The following RBSN variants were observed in gnomAD, a reference collection of about 807,000 sequenced individuals.
The protein encoded by RBSN is rabenosyn-5.
A neutral mutation model predicts 60.5 loss-of-function variants in RBSN; 34 were observed. The ratio of observed to expected loss-of-function variants is 0.56; its 90% CI spans 0.43 to 0.75. The LOEUF (loss-of-function observed/expected upper bound fraction) is 0.75. RBSN is among the 30% of genes least tolerant of loss of function. The pLI is 0.00. For synonymous variants in RBSN, 322 were observed against 366.9 expected, an observed-to-expected ratio of 0.88 and a Z score of 1.40; for missense variants, 845 against 986.8, an observed-to-expected ratio of 0.86 and a Z score of 1.92.
intron 1 of RBSN, among the ~76,000 whole-genome samples, chr3:15,098,646 C>A (rs1228183362): frequency 6.6e-6 from 1 of 152,050 alleles, no homozygotes; most frequent in African/African-American, 2.4e-5. Flanking sequence ...ACACACAACA[C>A]GAACGACTCA....
chr3:15,073,695 C>A lies in RBSN; in HGVS notation c.*87G>T. On this transcript the variant is annotated 3_prime_UTR_variant, in exon 14 of 14. Coordinates refer to ENST00000253699, the MANE Select transcript of RBSN (RefSeq NM_022340.4). The stretch of plus-strand genomic sequence containing the variant: ...TGCATCTGAGTTCTCACCCTGCCAC[C>A]TTCCCCATCCATCCTGCCTGCCCTC... 6.9e-7 allele frequency: 1 copy of A among 1,439,654 alleles called. No homozygotes were observed. The allele number at this position is 1,439,654 out of a possible 1,614,324, so 89.2% of individuals were successfully genotyped here. A position where few individuals can be genotyped will look rare whatever the true frequency, so the allele number is the denominator to read the frequency against.
Position 15,090,480 on chromosome 3 carries a change from G to A in RBSN, c.208C>T (p.Arg70Ter), listed in dbSNP as rs746425610. 5.0e-6 allele frequency: 8 copies of A among 1,614,024 alleles called. No homozygotes were observed. Among genetic ancestry groups the A allele is most frequent in the African/African-American group, 1.3e-5 (1 of 74,900 alleles). The change falls in exon 5 of 14, where the codon CGA (arginine) becomes TGA (stop). Residue 70 changes from arginine (R) to a stop codon, truncating the protein, a stop_gained. Coordinates refer to ENST00000253699, the MANE Select transcript of RBSN (RefSeq NM_022340.4). LOFTEE classifies it high-confidence loss of function. Reference sequence around the variant, plus strand: ...TATCCTTGGGTCCCTGACTCTGCTCGATCATCCCCTTCTCGTTTCAACAAC... The same window carrying A: ...TATCCTTGGGTCCCTGACTCTGCTCAATCATCCCCTTCTCGTTTCAACAAC... Reference protein sequence around the residue: ...DRLLKREGDDRAESGTQGYES... With the variant: ...DRLLKREGDD
chr3:15,074,988 C>T lies in RBSN; in HGVS notation c.1207-58G>A. On this transcript the variant is annotated intron_variant, in intron 13 of 13. Transcript: ENST00000253699. This position sits in a 1 kb window ranked among gnomAD's most constrained non-coding sequence, Gnocchi z 6.4. ...GTCACTATGCTGGCAGCAGCCCACA[C>T]TGTCACCCACCCTCTGTTGTCCCTC... 3 of 1,533,682 alleles carry T rather than the reference C, an allele frequency of 2.0e-6. No individual in the cohort carries two copies. The highest frequency in any genetic ancestry group is 1.3e-5 in the South Asian group (1 of 79,802).
In RBSN at chr3:15,077,985, T is replaced by C; in HGVS notation, c.998+90A>G. The C allele has an allele frequency of 8.8e-7, 1 of 1,139,840 alleles. No homozygotes were observed. The highest frequency in any genetic ancestry group is 2.4e-5 in the East Asian group (1 of 42,200). 70.6% of individuals were successfully genotyped at this position (1,139,840 alleles called of 1,614,324 possible). On this transcript the variant is annotated intron_variant, in intron 11 of 13. Coordinates refer to ENST00000253699, the MANE Select transcript of RBSN (RefSeq NM_022340.4). The surrounding 1 kb of genome is among the most constrained non-coding windows in gnomAD (Gnocchi z 4.4). ...ACCCACTGCCCCATCACCAGAAGTC[T>C]GAGTGAGTGCAGGTCTGCTTTCGCC...
intron 5 of RBSN, 140 bp downstream of exon 5, chr3:15,090,259 C>T (rs2043475994): frequency 1.1e-6 from 1 of 902,272 alleles, no homozygotes; most frequent in South Asian, 1.9e-5. Context: ...ATTTTCTTCC[C>T]CCAGCAAGGG....
In RBSN at chr3:15,073,708, C is replaced by T; in HGVS notation, c.*74G>A. ...TCACCCTGCCACCTTCCCCATCCATCCTGCCTGCCCTCTGTCCTGCTCCAC... is the reference window on the plus strand; with the variant it reads ...TCACCCTGCCACCTTCCCCATCCATTCTGCCTGCCCTCTGTCCTGCTCCAC... On this transcript the variant is annotated 3_prime_UTR_variant, in exon 14 of 14. Coordinates refer to ENST00000253699, the MANE Select transcript of RBSN (RefSeq NM_022340.4). 1 of 1,489,222 alleles carries T rather than the reference C, an allele frequency of 6.7e-7. No homozygotes were observed. The highest frequency in any genetic ancestry group is 9.0e-7 in the Non-Finnish European group (1 of 1,116,138). The allele number at this position is 1,489,222 out of a possible 1,614,324, so 92.3% of individuals were successfully genotyped here. A position where few individuals can be genotyped will look rare whatever the true frequency, so the allele number is the denominator to read the frequency against.
intron 6 of RBSN, 125 bp downstream of exon 6, chr3:15,085,736 G>A: frequency 2.6e-6 from 2 of 784,150 alleles, no homozygotes; most frequent in South Asian, 3.2e-5. Context: ...CCTCTCTAGA[G>A]AAGGTGTTTC....
intron 5 of RBSN, among the ~76,000 whole-genome samples, chr3:15,087,261 TCCCAG>T (rs1371598012): frequency 6.6e-6 from 1 of 152,138 alleles, no homozygotes; most frequent in Admixed American, 6.6e-5. Context: ...ATGCCTGTAA[TCCCAG>T]CACTTTGGGA....
intron 4 of RBSN, among the ~76,000 whole-genome samples, chr3:15,093,641 T>A (rs1185554909): frequency 6.6e-6 from 1 of 152,168 alleles, no homozygotes; most frequent in Admixed American, 6.5e-5. Flanking sequence ...CCTCCTGCCT[T>A]GGCCTCCCAA....
At chr3:15,093,821 C>A (rs1329108718) in intron 4 of RBSN, among the ~76,000 whole-genome samples, 4 of 152,160 alleles carry the variant, frequency 2.6e-5, no homozygotes, top group African/African-American at 9.7e-5. Context: ...TCTGCCTCAG[C>A]CTTCCAAGTG....
chr3:15,076,195 AG>A (rs1226977052), intron 12 of RBSN, among the ~76,000 whole-genome samples: 1 of 152,212 alleles, frequency 6.6e-6, no homozygotes, highest in African/African-American at 2.4e-5. Context: ...CCTGGTACAT[AG>A]GAGGCACTCA....
At chr3:15,085,100 C>T (rs1000592102) in intron 6 of RBSN, 55 bp from the exon 7 acceptor site, 3 of 1,587,998 alleles carry the variant, frequency 1.9e-6, no homozygotes, top group Admixed American at 3.4e-5. Flanking sequence ...TATACATGCT[C>T]CACACTTTCC....
intron 5 of RBSN, among the ~76,000 whole-genome samples, chr3:15,090,007 G>A (rs1390945494): frequency 1.3e-5 from 2 of 152,140 alleles, no homozygotes; most frequent in Non-Finnish European, 2.9e-5. Context: ...AAAGTAAGCT[G>A]CATAAACCAG....
rs765661504 is a variant in RBSN at position 15,084,720 on chromosome 3, C to T, written c.598+15G>A. 3 of 1,576,562 alleles carry T rather than the reference C, an allele frequency of 1.9e-6. No individual in the cohort carries two copies. The highest frequency in any genetic ancestry group is 1.9e-5 in the Admixed American group (1 of 53,286). ...AGAAGATGAGGGTCCAGGGCCCCAC[C>T]TCCAAGTCACCTACTTGCCAAGGGA... On this transcript the variant is annotated intron_variant, in intron 8 of 13. Transcript: ENST00000253699. The surrounding 1 kb of genome is among the most constrained non-coding windows in gnomAD (Gnocchi z 4.2).
chr3:15,075,789 G>T, intron 12 of RBSN, 79 bp from the exon 13 acceptor site: 1 of 1,168,098 alleles, frequency 8.6e-7, no homozygotes, highest in Non-Finnish European at 1.3e-6. Flanking sequence ...ATGAGAGTCT[G>T]CTTAAGCTGA....
intron 4 of RBSN, among the ~76,000 whole-genome samples, chr3:15,094,044 C>A (rs2043585701): frequency 6.6e-6 from 1 of 152,152 alleles, no homozygotes; most frequent in Non-Finnish European, 1.5e-5. Flanking sequence ...CACAAAATTT[C>A]TATTCTATTT....
At chr3:15,083,742 A>G (rs1410883412) in intron 8 of RBSN, among the ~76,000 whole-genome samples, 2 of 151,920 alleles carry the variant, frequency 1.3e-5, no homozygotes, top group Non-Finnish European at 2.9e-5. Flanking sequence ...CTCTCATATT[A>G]TGATATTAGT....
intron 5 of RBSN, 105 bp downstream of exon 5, chr3:15,090,294 C>T: frequency 7.9e-7 from 1 of 1,266,728 alleles, no homozygotes; most frequent in African/African-American, 1.5e-5. Flanking sequence ...GAAGCTTAGA[C>T]CATTATGGTT....
intron 5 of RBSN, chr3:15,086,176 T>C (rs925026377): frequency 1.4e-5 from 7 of 494,598 alleles, no homozygotes; most frequent in Admixed American, 3.4e-5. Context: ...GGCGGGAAGA[T>C]GGCTTGAGCT....
Sources: gnomAD v4.1 joint callset for allele counts (sites outside exome capture counted in the v4.1 genomes callset) on GRCh38, gnomAD v4.1.1 for gene constraint, Gnocchi (gnomAD v3.1) non-coding constraint, MANE v1.5 for transcripts, NCBI Gene and HGNC (gene_info 2026-07-23, HGNC 2026-07-21) for gene names.